The following TMCO4 variants were observed in gnomAD, a reference collection of about 807,000 sequenced individuals.
TMCO4 encodes transmembrane and coiled-coil domains 4.
In TMCO4, 58 loss-of-function variants were observed where a neutral mutation model predicts 64.7. The ratio of observed to expected loss-of-function variants is 0.90; its 90% confidence interval spans 0.73 to 1.12. The LOEUF is 1.12. Among genes scored for constraint, TMCO4 ranks in the 50% most tolerant of loss-of-function variants. The pLI, the probability that TMCO4 is intolerant of heterozygous loss-of-function variation, is 0.00. For synonymous variants in TMCO4, 325 were observed against 346.1 expected, an observed-to-expected ratio of 0.94 and a Z score of 0.68; for missense variants, 780 against 825.9, an observed-to-expected ratio of 0.94 and a Z score of 0.68.
chr1:19,716,857 G>A (rs1305263111), intron 13 of TMCO4, among the ~76,000 whole-genome samples: 2 of 152,176 alleles, frequency 1.3e-5, no homozygotes, highest in African/African-American at 2.4e-5. Flanking sequence ...ATCCATGCTG[G>A]AGCCGCCAGC....
intron 11 of TMCO4, 140 bp downstream of exon 11, chr1:19,740,637 G>A: frequency 3.3e-6 from 3 of 918,908 alleles, no homozygotes; most frequent in Non-Finnish European, 4.9e-6. Context: ...AGACAGGAAT[G>A]CGGCCTTAAC....
chr1:19,697,405 G>A (rs1471277890), intron 14 of TMCO4, among the ~76,000 whole-genome samples: 1 of 151,414 alleles, frequency 6.6e-6, no homozygotes, highest in African/African-American at 2.4e-5. Flanking sequence ...CTACAGGTGT[G>A]CATCACCATG....
At chr1:19,795,516 T>A (rs1042988026) in intron 2 of TMCO4, among the ~76,000 whole-genome samples, 3 of 152,082 alleles carry the variant, frequency 2.0e-5, no homozygotes, top group Non-Finnish European at 2.9e-5. Context: ...TTAAAAAAAA[T>A]TTAAACATTT....
intron 13 of TMCO4, among the ~76,000 whole-genome samples, chr1:19,703,809 A>T (rs1008927832): frequency 6.6e-6 from 1 of 151,930 alleles, no homozygotes; most frequent in African/African-American, 2.4e-5. Flanking sequence ...CGGCCTCCCA[A>T]AGTGCTGGGA....
At chr1:19,778,893 C>A (rs1339482997) in intron 4 of TMCO4, among the ~76,000 whole-genome samples, 2 of 152,146 alleles carry the variant, frequency 1.3e-5, no homozygotes, top group African/African-American at 4.8e-5. Flanking sequence ...GGAGGGGTAG[C>A]AGGTATGGAG....
At chr1:19,778,411 C>T (rs1571003802) in intron 4 of TMCO4, among the ~76,000 whole-genome samples, 1 of 152,014 alleles carries the variant, frequency 6.6e-6, no homozygotes, top group African/African-American at 2.4e-5. Context: ...GTGGCTGGGA[C>T]CACAGGTGTG....
At chr1:19,704,194 CT>C (rs1253872399) in intron 13 of TMCO4, among the ~76,000 whole-genome samples, 1 of 152,220 alleles carries the variant, frequency 6.6e-6, no homozygotes, top group Non-Finnish European at 1.5e-5. Context: ...GATTTTGCTC[CT>C]TTTGTTTCCA....
chr1:19,758,919 G>A (rs775969534), intron 6 of TMCO4, among the ~76,000 whole-genome samples: 5 of 151,956 alleles, frequency 3.3e-5, no homozygotes, highest in Non-Finnish European at 5.9e-5. Context: ...TGGCCAACAT[G>A]GTGAAACCCC....
intron 13 of TMCO4, among the ~76,000 whole-genome samples, chr1:19,706,194 C>T (rs772392526): frequency 6.6e-6 from 1 of 152,140 alleles, no homozygotes; most frequent in Non-Finnish European, 1.5e-5. Context: ...AGTGAGCCAC[C>T]GCATCTGGCC....
chr1:19,738,208 A>G (rs2095464176), intron 12 of TMCO4: 1 of 152,248 alleles, frequency 6.6e-6, no homozygotes, highest in Non-Finnish European at 1.5e-5. Flanking sequence ...ACATCCCCAC[A>G]CCACTCCACT....
At chr1:19,689,646 C>G (rs1161510601) in intron 15 of TMCO4, among the ~76,000 whole-genome samples, 2 of 152,238 alleles carry the variant, frequency 1.3e-5, no homozygotes, top group Non-Finnish European at 2.9e-5. Context: ...CTACCATATC[C>G]CATTCCCAGT....
intron 2 of TMCO4, among the ~76,000 whole-genome samples, chr1:19,788,218 C>T (rs372344086): frequency 6.6e-6 from 1 of 152,196 alleles, no homozygotes; most frequent in Admixed American, 6.5e-5. Flanking sequence ...TGAATATTCA[C>T]ACCATGAGTC....
At chr1:19,784,210 A>G (rs895486567) in intron 3 of TMCO4, among the ~76,000 whole-genome samples, 1 of 152,100 alleles carries the variant, frequency 6.6e-6, no homozygotes, top group Non-Finnish European at 1.5e-5. Context: ...TTCTAACCAC[A>G]GAGGTATGAG....
chr1:19,728,931 G>A (rs1166757509), intron 13 of TMCO4, among the ~76,000 whole-genome samples: 2 of 152,178 alleles, frequency 1.3e-5, no homozygotes, highest in Non-Finnish European at 2.9e-5. Flanking sequence ...TAATTACAGA[G>A]GCCAGAATCC....
intron 13 of TMCO4, among the ~76,000 whole-genome samples, chr1:19,707,629 A>G (rs2095309095): frequency 6.6e-6 from 1 of 152,168 alleles, no homozygotes; most frequent in Non-Finnish European, 1.5e-5. Context: ...ATCTCAAAAA[A>G]TATATAACCC....
intron 15 of TMCO4, among the ~76,000 whole-genome samples, chr1:19,691,577 G>C (rs539397123): frequency 3.3e-5 from 5 of 152,314 alleles, no homozygotes; most frequent in African/African-American, 1.2e-4. Flanking sequence ...CTGAGGCCTA[G>C]CTTCATTGGC....
In TMCO4 at chr1:19,734,546, G is replaced by A. The variant is rs933594178; in HGVS notation, c.1264+2826C>T. Among the ~76,000 whole-genome samples, 3 of 152,066 alleles carry A rather than the reference G, an allele frequency of 2.0e-5. No homozygotes were observed. The highest frequency in any genetic ancestry group is 7.2e-5 in the African/African-American group (3 of 41,396). ...TGAACCAGTTGTTTCCAACTCCTTA[G>A]CCTGGCACAGTGCCAGGCTCCCACC... is the stretch of plus-strand genomic sequence containing the variant. On this transcript the variant is annotated intron_variant, in intron 13 of 15. Coordinates refer to ENST00000294543, the MANE Select transcript of TMCO4 (RefSeq NM_181719.7). This position sits in a 1 kb window ranked among gnomAD's most constrained non-coding sequence, Gnocchi z 4.4.
chr1:19,730,504 C>T (rs962111540), intron 13 of TMCO4, among the ~76,000 whole-genome samples: 2 of 152,234 alleles, frequency 1.3e-5, no homozygotes, highest in African/African-American at 2.4e-5. Context: ...TGGCATTATT[C>T]CAGGTACAGG....
At position 19,700,849 on chromosome 1, in the gene TMCO4, C is replaced by A. The variant is rs140356141; in HGVS notation, c.1301G>T (p.Gly434Val). The change falls in exon 14 of 16, where the codon GGT becomes GTT. Residue 434 changes from glycine (G) to valine (V), a missense_variant. Gly to Val is a moderately radical substitution (Grantham distance 109). Coordinates refer to ENST00000294543, the MANE Select transcript of TMCO4 (RefSeq NM_181719.7). ...CTTGGCTTCTCCCTCCACAGGCGCA[C>A]CCAGCAGGATGACGTCCTCGATGAT... ...QGIIEDVILL[G>V]APVEGEAKHW... 1.1e-5 allele frequency: 18 copies of A among 1,614,120 alleles called. No homozygotes were observed. Among genetic ancestry groups the A allele is most frequent in the Non-Finnish European group, 1.4e-5 (16 of 1,180,040 alleles).
Sources: gnomAD v4.1 joint callset for allele counts (sites outside exome capture counted in the v4.1 genomes callset) on GRCh38, gnomAD v4.1.1 for gene constraint, Gnocchi (gnomAD v3.1) non-coding constraint, MANE v1.5 for transcripts, NCBI Gene and HGNC (gene_info 2026-07-23, HGNC 2026-07-21) for gene names.